The following XRN1 variants were observed in gnomAD, a reference collection of about 807,000 sequenced individuals.
XRN1 encodes 5'-3' exoribonuclease 1.
In XRN1, 67 loss-of-function variants were observed where a neutral mutation model predicts 222.3. The observed-to-expected ratio is 0.30, with a 90% CI of 0.25 to 0.37. The LOEUF is 0.37. Among genes scored for constraint, XRN1 ranks in the 10% least tolerant of loss-of-function variants. XRN1 has a pLI of 1.00. For synonymous variants in XRN1, 643 were observed against 652.4 expected (o/e 0.99, Z 0.22); for missense variants, 1,707 against 2,000.2 (o/e 0.85, Z 2.80).
rs1216059364 is a variant in XRN1, at chr3:142,332,422, C to T, written c.4175G>A (p.Arg1392Lys). Residue 1392 changes from arginine to lysine, a missense_variant, in exon 36 of 41, where the codon AGA becomes AAA. Coordinates refer to ENST00000392981, the MANE Select transcript of XRN1 (RefSeq NM_001282857.2). Reference protein sequence around the residue: ...ANEIPVSSNRRDEYGLPSQPK... With the variant: ...ANEIPVSSNRKDEYGLPSQPK... ...CTGAGAGGGTAATCCATATTCATCTCTTCTGTTAGAGGAAACAGGGATTTC... is the reference window on the plus strand; with the variant it reads ...CTGAGAGGGTAATCCATATTCATCTTTTCTGTTAGAGGAAACAGGGATTTC... The T allele has an allele frequency of 4.3e-6, 7 of 1,612,816 alleles. No homozygotes were observed. Among genetic ancestry groups the T allele is most frequent in the Non-Finnish European group, 5.9e-6 (7 of 1,179,128 alleles).
chr3:142,357,997 C>T (rs1016383884), intron 30 of XRN1, among the ~76,000 whole-genome samples: 1 of 152,094 alleles, frequency 6.6e-6, no homozygotes, highest in African/African-American at 2.4e-5. Context: ...AAGATTGCAC[C>T]ACTGCACTCC....
chr3:142,360,391 T>C (rs949144957), intron 29 of XRN1, among the ~76,000 whole-genome samples: 1 of 152,208 alleles, frequency 6.6e-6, no homozygotes, highest in Non-Finnish European at 1.5e-5. Flanking sequence ...ATCCCATCTA[T>C]GGGTATACAA....
chr3:142,365,477 A>T, intron 27 of XRN1, 111 bp from the exon 28 acceptor site: 1 of 733,736 alleles, frequency 1.4e-6, no homozygotes, highest in Non-Finnish European at 2.0e-6. Flanking sequence ...GAAGAGATTA[A>T]TTTTTAAAAT....
intron 15 of XRN1, among the ~76,000 whole-genome samples, chr3:142,407,382 T>C (rs981312449): frequency 1.3e-5 from 2 of 152,196 alleles, no homozygotes; most frequent in Non-Finnish European, 2.9e-5. Context: ...CACACTGGAG[T>C]GCAGTGGCAC....
chr3:142,422,491 G>T, intron 8 of XRN1, 91 bp downstream of exon 8: 1 of 1,307,374 alleles, frequency 7.6e-7, no homozygotes, highest in Non-Finnish European at 1.1e-6. Context: ...GCTTTAGCGT[G>T]CATGCAATAA....
At chr3:142,387,724 T>C (rs375488192) in intron 20 of XRN1, among the ~76,000 whole-genome samples, 2 of 152,220 alleles carry the variant, frequency 1.3e-5, no homozygotes, top group Non-Finnish European at 2.9e-5. Flanking sequence ...ATCCCTAATG[T>C]TGGAGATGGA....
rs150374174 is a variant in XRN1 at position 142,434,683 on chromosome 3, T to C, written c.76-1790A>G. On this transcript the variant is annotated intron_variant, in intron 1 of 40. Transcript: ENST00000392981. ...TGAAGTGAGAGAATCTTTGAACCCA[T>C]AGGTTCAAGGCTGCAGTGAGTGGTG... 3.9e-3 allele frequency among the ~76,000 whole-genome samples: 600 copies of C among 152,076 alleles called. 4 individuals are homozygous for C. The highest frequency in any genetic ancestry group is 0.013 in the African/African-American group (550 of 41,480).
chr3:142,324,262 C>T (rs1457056439), intron 37 of XRN1, among the ~76,000 whole-genome samples: 13 of 110,770 alleles, frequency 1.2e-4, no homozygotes, highest in African/African-American at 4.6e-4. Flanking sequence ...CCACCCACAA[C>T]AGTCCCCAGC....
At chr3:142,404,202 A>AT (rs1336931706) in intron 16 of XRN1, among the ~76,000 whole-genome samples, 3 of 152,100 alleles carry the variant, frequency 2.0e-5, no homozygotes, top group Non-Finnish European at 4.4e-5. Context: ...CTAAGTTGAG[A>AT]TTTTCCCCAT....
intron 30 of XRN1, among the ~76,000 whole-genome samples, chr3:142,357,427 TTAA>T (rs138501433): frequency 0.07 from 10,610 of 151,900 alleles, 1,215 homozygotes; most frequent in African/African-American, 0.24. Context: ...AATTTATGAA[TTAA>T]TTTTTTTTTT....
In XRN1 at chr3:142,400,607, A is replaced by C. The variant is rs930600564; in HGVS notation, c.2104-60T>G. 8 of 1,373,318 alleles carry C rather than the reference A, an allele frequency of 5.8e-6. No homozygotes were observed. The African/African-American group carries it at 1.0e-4, about 18-fold the overall frequency. 85.1% of individuals were successfully genotyped at this position (1,373,318 alleles called of 1,614,324 possible). On this transcript the variant is annotated intron_variant, in intron 18 of 40. Transcript: ENST00000392981. Reference sequence around the variant, plus strand: ...TCAGGTCTAAGAGAAAACTTTACACAGGCAAAATTTTCCAATCTCCATTTA... The same window carrying C: ...TCAGGTCTAAGAGAAAACTTTACACCGGCAAAATTTTCCAATCTCCATTTA...
chr3:142,332,741 A>G, intron 35 of XRN1: 2 of 752,112 alleles, frequency 2.7e-6, no homozygotes, highest in South Asian at 2.9e-5. Flanking sequence ...CTTAACTTTC[A>G]TCCCAGTTAC....
At position 142,404,582 on chromosome 3, in the gene XRN1, C is replaced by T. The variant is rs1235630420; in HGVS notation, c.1883+325G>A. ...ATAATGCTGGGAGCAGAAACACTGA[C>T]AATGGAAACAAAAATTCACATATCC... On this transcript the variant is annotated intron_variant, in intron 16 of 40. Coordinates refer to ENST00000392981, the MANE Select transcript of XRN1 (RefSeq NM_001282857.2). Among the ~76,000 whole-genome samples the T allele has an allele frequency of 4.6e-5, 7 of 151,976 alleles. No homozygotes were observed. In the East Asian group the frequency reaches 1.4e-3, roughly 29 times the overall value.
intron 1 of XRN1, among the ~76,000 whole-genome samples, chr3:142,444,285 T>C (rs916174123): frequency 1.3e-5 from 2 of 152,048 alleles, no homozygotes; most frequent in African/African-American, 4.8e-5. Flanking sequence ...TCTCTATTTT[T>C]AAAAAGATTT....
chr3:142,440,470 C>A (rs1246929981), intron 1 of XRN1, among the ~76,000 whole-genome samples: 2 of 151,892 alleles, frequency 1.3e-5, no homozygotes, highest in Non-Finnish European at 2.9e-5. Context: ...GCAAAGAATG[C>A]CCATCCTGGT....
At chr3:142,428,440 T>G (rs1344494748) in intron 2 of XRN1, among the ~76,000 whole-genome samples, 2 of 150,604 alleles carry the variant, frequency 1.3e-5, no homozygotes, top group African/African-American at 2.4e-5. Context: ...GATTACACTC[T>G]AGTGGGGAGG....
At chr3:142,312,536 T>A (rs2065105140) in intron 40 of XRN1, 62 bp downstream of exon 40, 1 of 1,408,648 alleles carries the variant, frequency 7.1e-7, no homozygotes, top group African/African-American at 1.4e-5. Context: ...AATAAAAAAA[T>A]GTTTATCAAT....
At position 142,318,807 on chromosome 3, in the gene XRN1, A is replaced by G. The variant is rs572021141; in HGVS notation, c.4501T>C (p.Phe1501Leu). The G allele has an allele frequency of 1.9e-6, 3 of 1,613,996 alleles. No individual in the cohort carries two copies. The African/African-American group carries it at 4.0e-5, about 22-fold the overall frequency. The change falls in exon 38 of 41, where the codon TTT becomes CTT. Residue 1501 changes from phenylalanine to leucine, a missense_variant. By Grantham distance (22) the Phe-to-Leu change is conservative. This residue lies in a region of XRN1 where 473 missense variants were observed against 482.0 expected (regional missense o/e 0.98). Coordinates refer to ENST00000392981, the MANE Select transcript of XRN1 (RefSeq NM_001282857.2). ...ENEAKEKAAL[F>L]ALQQLGSLGM... ...GTTCTTACCAACTGTTGTAAAGCAA[A>G]AAGTGCAGCTTTCTCTTTGGCTTCA... is the stretch of plus-strand genomic sequence containing the variant.
rs1205476019 is a variant in XRN1, at chr3:142,431,904, A to G, written c.308+757T>C. On this transcript the variant is annotated intron_variant, in intron 2 of 40. Coordinates refer to ENST00000392981, the MANE Select transcript of XRN1 (RefSeq NM_001282857.2). ...ATATATTATATATAATATATATATTATATATATAAATATATATAATATAAT... is the reference window on the plus strand; with the variant it reads ...ATATATTATATATAATATATATATTGTATATATAAATATATATAATATAAT... Among the ~76,000 whole-genome samples, 39 of 35,352 alleles carry G rather than the reference A, an allele frequency of 1.1e-3. 1 individual carries two copies. Among genetic ancestry groups the G allele is most frequent in the African/African-American group, 2.5e-3 (14 of 5,506 alleles). The allele number at this position is 35,352 out of a possible 152,430, so 23.2% of individuals were successfully genotyped here.
Sources: gnomAD v4.1 joint callset for allele counts (sites outside exome capture counted in the v4.1 genomes callset) on GRCh38, gnomAD v4.1.1 for gene constraint, gnomAD v4.1.1 regional missense constraint, MANE v1.5 for transcripts, NCBI Gene and HGNC (gene_info 2026-07-23, HGNC 2026-07-21) for gene names.